The following ZFHX3 variants were observed in gnomAD, a reference collection of about 807,000 sequenced individuals.
The protein encoded by ZFHX3 is zinc finger homeobox 3, also known as zinc finger homeobox protein 3.
A neutral mutation model predicts 279.1 loss-of-function variants in ZFHX3; 42 were observed. The ratio of observed to expected loss-of-function variants is 0.15; its 90% CI spans 0.12 to 0.19. The LOEUF (loss-of-function observed/expected upper bound fraction) is 0.19. ZFHX3 is among the 10% of genes least tolerant of loss of function. The probability of loss-of-function intolerance (pLI) is 1.00; values close to 1 mark genes in which losing one functional copy is unlikely to be tolerated. For missense variants in ZFHX3, 4,981 were observed against 4,754.0 expected (o/e 1.05, Z -1.40); for synonymous variants, 2,293 against 1,957.8 (o/e 1.17, Z -4.52).
intron 2 of ZFHX3, among the ~76,000 whole-genome samples, chr16:73,509,000 G>A (rs778498757): frequency 6.6e-6 from 1 of 152,100 alleles, no homozygotes. Flanking sequence ...AAATTCAATG[G>A]CAATGGACCA....
chr16:72,831,443 CA>C (rs2037057399), intron 4 of ZFHX3, among the ~76,000 whole-genome samples: 1 of 152,100 alleles, frequency 6.6e-6, no homozygotes, highest in Admixed American at 6.6e-5. Context: ...TGTCTCACTG[CA>C]CAATAAAGTC....
At chr16:72,870,328 G>C in intron 4 of ZFHX3, among the ~76,000 whole-genome samples, 1 of 151,800 alleles carries the variant, frequency 6.6e-6, no homozygotes, top group East Asian at 1.9e-4. Flanking sequence ...GGAGGTGGAG[G>C]TTGCAGTGAG....
chr16:73,142,148 T>G (rs1966849199), intron 6 of ZFHX3, among the ~76,000 whole-genome samples: 1 of 152,194 alleles, frequency 6.6e-6, no homozygotes, highest in Non-Finnish European at 1.5e-5. Flanking sequence ...TACTTCCCCC[T>G]CTGTTTCCTC....
In ZFHX3 at chr16:72,825,226, CACA is replaced by C. The variant is rs1203286065; in HGVS notation, c.3529+4550_3529+4552del. Among the ~76,000 whole-genome samples the C allele has an allele frequency of 7.2e-5, 11 of 152,332 alleles. No individual in the cohort carries two copies. In the South Asian group the frequency reaches 1.0e-3, roughly 14 times the overall value. On this transcript the variant is annotated intron_variant, in intron 5 of 9. Coordinates refer to ENST00000268489, the MANE Select transcript of ZFHX3 (RefSeq NM_006885.4). The stretch of plus-strand genomic sequence containing the variant: ...ATCACCATCCCGCTTTCAGACTGAG[CACA>C]ACGCCAGCTCCTTACAAGACATATA...
At chr16:73,735,702 G>C (rs1232185812) in intron 1 of ZFHX3, among the ~76,000 whole-genome samples, 1 of 152,118 alleles carries the variant, frequency 6.6e-6, no homozygotes, top group Non-Finnish European at 1.5e-5. Context: ...TGATGTTTCT[G>C]TTACATGCAT....
At chr16:73,108,810 C>T (rs1031849344) in intron 7 of ZFHX3, among the ~76,000 whole-genome samples, 10 of 152,210 alleles carry the variant, frequency 6.6e-5, no homozygotes, top group African/African-American at 1.9e-4. Flanking sequence ...AGCATCAAAC[C>T]GAAAACAATA....
At chr16:73,579,419 T>A (rs190967820) in intron 2 of ZFHX3, among the ~76,000 whole-genome samples, 111 of 152,354 alleles carry the variant, frequency 7.3e-4, no homozygotes, top group Non-Finnish European at 1.4e-3. Context: ...GATTGAGACC[T>A]GTCTCAAATA....
At chr16:72,975,480 T>C (rs1962308282) in intron 1 of ZFHX3, among the ~76,000 whole-genome samples, 1 of 151,968 alleles carries the variant, frequency 6.6e-6, no homozygotes, top group Non-Finnish European at 1.5e-5. Context: ...GAGAGGGGTG[T>C]ACAGGGGGAA....
intron 4 of ZFHX3, among the ~76,000 whole-genome samples, chr16:72,865,887 C>T (rs769944429): frequency 6.6e-6 from 1 of 152,032 alleles, no homozygotes; most frequent in African/African-American, 2.4e-5. Context: ...GCTCCCCTTG[C>T]CCTACACAAT....
At chr16:72,956,128 A>G (rs1486681855) in intron 2 of ZFHX3, among the ~76,000 whole-genome samples, 1 of 152,250 alleles carries the variant, frequency 6.6e-6, no homozygotes, top group Non-Finnish European at 1.5e-5. Context: ...AACTGAATAC[A>G]TAGCAAGAAA....
At chr16:73,416,457 T>C (rs116842064) in intron 3 of ZFHX3, among the ~76,000 whole-genome samples, 4,956 of 152,218 alleles carry the variant, frequency 0.033, 168 homozygotes, top group Non-Finnish European at 0.04. Flanking sequence ...ATTGGACTCA[T>C]TCATTATGAA....
chr16:73,459,937 G>T (rs1056293911), intron 2 of ZFHX3, among the ~76,000 whole-genome samples: 1 of 152,126 alleles, frequency 6.6e-6, no homozygotes, highest in African/African-American at 2.4e-5. Context: ...TGATTATGGG[G>T]ATTACAATTC....
At chr16:73,142,523 C>G (rs539540003) in intron 6 of ZFHX3, among the ~76,000 whole-genome samples, 79 of 152,172 alleles carry the variant, frequency 5.2e-4, no homozygotes, top group Non-Finnish European at 9.6e-4. Context: ...GCAGGGCCAC[C>G]CTTCTTCCTG....
chr16:73,240,613 G>A (rs1421037195), intron 5 of ZFHX3, among the ~76,000 whole-genome samples: 2 of 152,128 alleles, frequency 1.3e-5, no homozygotes, highest in Non-Finnish European at 2.9e-5. Flanking sequence ...TAGTATGAGA[G>A]ATAAAACAGG....
intron 1 of ZFHX3, among the ~76,000 whole-genome samples, chr16:73,742,040 C>T (rs1166722286): frequency 2.0e-5 from 3 of 152,202 alleles, no homozygotes; most frequent in African/African-American, 7.2e-5. Context: ...TGGAGATCCA[C>T]ATTTCAAGGG....
intron 2 of ZFHX3, among the ~76,000 whole-genome samples, chr16:73,518,411 G>C (rs1347526695): frequency 6.6e-6 from 1 of 152,074 alleles, no homozygotes; most frequent in Non-Finnish European, 1.5e-5. Context: ...ATTACCCTTT[G>C]CCAAATGGCA....
chr16:73,837,707 C>T (rs959199149), intron 1 of ZFHX3, among the ~76,000 whole-genome samples: 5 of 152,182 alleles, frequency 3.3e-5, no homozygotes, highest in East Asian at 1.9e-4. Context: ...GGCGCGATCT[C>T]GGCTCACCAC....
At chr16:73,326,867 A>T (rs2015700787) in intron 3 of ZFHX3, among the ~76,000 whole-genome samples, 1 of 152,224 alleles carries the variant, frequency 6.6e-6, no homozygotes, top group African/African-American at 2.4e-5. Context: ...CCCAACATCA[A>T]CATACCTTGG....
intron 1 of ZFHX3, among the ~76,000 whole-genome samples, chr16:73,877,854 C>A (rs2030004478): frequency 6.6e-6 from 1 of 152,016 alleles, no homozygotes; most frequent in Non-Finnish European, 1.5e-5. Flanking sequence ...CAAAGACATA[C>A]ACAAACATGG....
Sources: gnomAD v4.1 joint callset for allele counts (sites outside exome capture counted in the v4.1 genomes callset) on GRCh38, gnomAD v4.1.1 for gene constraint, MANE v1.5 for transcripts, NCBI Gene and HGNC (gene_info 2026-07-23, HGNC 2026-07-21) for gene names.